GTF2F2: variants seen among roughly 807,000 people sequenced by gnomAD.
GTF2F2 encodes the protein ATP-dependent helicase GTF2F2.
GTF2F2 carries 23 observed loss-of-function variants against 42.2 expected under a neutral mutation model. That is an observed-to-expected ratio of 0.55 (90% CI 0.39 to 0.77). The LOEUF (loss-of-function observed/expected upper bound fraction) is 0.77, where lower values mean the gene tolerates loss of function less well. Ranked by LOEUF, GTF2F2 falls within the 30% of genes least tolerant of loss-of-function variation. GTF2F2 has a pLI of 0.00. For missense variants in GTF2F2, 261 were observed against 287.2 expected (o/e 0.91, Z 0.66); for synonymous variants, 105 against 100.8 (o/e 1.04, Z -0.25).
chr13:45,138,388 C>T (rs1325489798), intron 2 of GTF2F2, among the ~76,000 whole-genome samples: 1 of 152,196 alleles, frequency 6.6e-6, no homozygotes, highest in African/African-American at 2.4e-5. Context: ...GTGACTTTCT[C>T]CACACTACTC....
At chr13:45,123,836 T>C (rs1433546739) in intron 1 of GTF2F2, among the ~76,000 whole-genome samples, 3 of 150,096 alleles carry the variant, frequency 2.0e-5, no homozygotes, top group African/African-American at 7.4e-5. Context: ...ACTTTATTGA[T>C]GGCACATGAC....
chr13:45,273,022 G>T (rs976014072), intron 7 of GTF2F2, among the ~76,000 whole-genome samples: 3 of 147,482 alleles, frequency 2.0e-5, no homozygotes, highest in Non-Finnish European at 4.5e-5. Context: ...CGCCTCCCGA[G>T]TTCAAGCAGT....
At chr13:45,281,139 A>G (rs901294605) in intron 7 of GTF2F2, among the ~76,000 whole-genome samples, 17 of 152,186 alleles carry the variant, frequency 1.1e-4, no homozygotes, top group African/African-American at 4.1e-4. Context: ...TCAAGCCTTT[A>G]TGCTTACTCA....
At chr13:45,279,616 AG>A (rs761303596) in intron 7 of GTF2F2, among the ~76,000 whole-genome samples, 3 of 152,210 alleles carry the variant, frequency 2.0e-5, no homozygotes, top group Non-Finnish European at 4.4e-5. Flanking sequence ...GCACTATAAC[AG>A]GAGCATGTGG....
At chr13:45,139,328 A>G (rs1869794792) in intron 2 of GTF2F2, among the ~76,000 whole-genome samples, 1 of 152,218 alleles carries the variant, frequency 6.6e-6, no homozygotes, top group African/African-American at 2.4e-5. Context: ...GAAAATAAGT[A>G]AAAATCAAAA....
At chr13:45,255,412 A>C (rs1593521079) in intron 6 of GTF2F2, among the ~76,000 whole-genome samples, 1 of 152,290 alleles carries the variant, frequency 6.6e-6, no homozygotes, top group East Asian at 1.9e-4. Flanking sequence ...CACATTTTGA[A>C]ATTGCTACAC....
intron 5 of GTF2F2, among the ~76,000 whole-genome samples, chr13:45,231,550 C>T (rs745900562): frequency 3.3e-5 from 5 of 152,174 alleles, no homozygotes; most frequent in Non-Finnish European, 7.3e-5. Flanking sequence ...AATAGGGAGT[C>T]CTCCTTTCCT....
intron 6 of GTF2F2, among the ~76,000 whole-genome samples, chr13:45,265,032 G>A (rs923160797): frequency 2.6e-5 from 4 of 152,054 alleles, no homozygotes; most frequent in South Asian, 4.1e-4. Flanking sequence ...AGGCCGAGGC[G>A]GGCGGATCAC....
At chr13:45,149,726 A>C (rs377468134) in intron 2 of GTF2F2, 44 bp from the exon 3 acceptor site, 1 of 1,470,102 alleles carries the variant, frequency 6.8e-7, no homozygotes, top group South Asian at 1.4e-5. Flanking sequence ...TGAAAACAAC[A>C]TGAAATCTAA....
chr13:45,187,520 C>T (rs1055633665), intron 4 of GTF2F2, among the ~76,000 whole-genome samples: 1 of 152,084 alleles, frequency 6.6e-6, no homozygotes, highest in Non-Finnish European at 1.5e-5. Flanking sequence ...ATACAGTCCA[C>T]CTCTTCATAA....
intron 2 of GTF2F2, among the ~76,000 whole-genome samples, chr13:45,144,632 G>A (rs139807747): frequency 0.055 from 8,267 of 151,590 alleles, 289 homozygotes; most frequent in Admixed American, 0.091. Context: ...TAGTAGAGAC[G>A]GGGTTTCACT....
At chr13:45,276,457 A>T (rs1389618694) in intron 7 of GTF2F2, among the ~76,000 whole-genome samples, 3 of 143,588 alleles carry the variant, frequency 2.1e-5, no homozygotes, top group Non-Finnish European at 3.0e-5. Context: ...TTTTTTTGAG[A>T]TGGAGTCTCG....
At chr13:45,192,075 G>A (rs756837322) in intron 4 of GTF2F2, among the ~76,000 whole-genome samples, 2 of 152,032 alleles carry the variant, frequency 1.3e-5, no homozygotes, top group Non-Finnish European at 2.9e-5. Flanking sequence ...CAACTCCTAA[G>A]TTGGAGAGGC....
At chr13:45,145,369 G>A (rs1870141124) in intron 2 of GTF2F2, among the ~76,000 whole-genome samples, 1 of 152,110 alleles carries the variant, frequency 6.6e-6, no homozygotes, top group South Asian at 2.1e-4. Flanking sequence ...CTAAGCCCTG[G>A]AGTTAGCCAT....
chr13:45,248,607 G>A (rs191503688), intron 5 of GTF2F2, among the ~76,000 whole-genome samples: 6 of 152,162 alleles, frequency 3.9e-5, no homozygotes, highest in African/African-American at 9.6e-5. Context: ...CTGAGTAGCT[G>A]GGATTACAGG....
rs58360184 is a variant in GTF2F2 at position 45,175,832 on chromosome 13, C to T, written c.304+24001C>T. On this transcript the variant is annotated intron_variant, in intron 4 of 7. Transcript: ENST00000340473. ...AGAGATGGGGTTTCTCTGTGTTGGT[C>T]GGGCTGGTCTCGAACTCCCGACATC... Among the ~76,000 whole-genome samples, 9 of 152,186 alleles carry T rather than the reference C, an allele frequency of 5.9e-5. No individual in the cohort carries two copies. The East Asian group carries it at 1.2e-3, about 20-fold the overall frequency.
chr13:45,150,664 C>CT lies in GTF2F2; in HGVS notation c.159+889dup, dbSNP rs368061537. ...ATTTTAGGGAAAAAAAAAAAATCAT[C>CT]TTTTTTTTTTTTTGAGATGGAGTCT... On this transcript the variant is annotated intron_variant, in intron 3 of 7. Transcript: ENST00000340473. Among the ~76,000 whole-genome samples the CT allele has an allele frequency of 2.1e-3, 251 of 122,420 alleles. 2 individuals are homozygous for CT. Among genetic ancestry groups the CT allele is most frequent in the Admixed American group, 4.4e-3 (54 of 12,290 alleles). The allele number at this position is 122,420 out of a possible 152,430, so 80.3% of individuals were successfully genotyped here. A position where few individuals can be genotyped will look rare whatever the true frequency, so the allele number is the denominator to read the frequency against.
chr13:45,125,680 T>G (rs767064221), intron 1 of GTF2F2, among the ~76,000 whole-genome samples: 8 of 152,172 alleles, frequency 5.3e-5, no homozygotes, highest in Non-Finnish European at 1.0e-4. Flanking sequence ...GGTGGGGACT[T>G]CATTTTTATG....
chr13:45,246,371 T>G (rs770317158), intron 5 of GTF2F2, among the ~76,000 whole-genome samples: 2 of 152,288 alleles, frequency 1.3e-5, no homozygotes, highest in South Asian at 2.1e-4. Flanking sequence ...TCATATTGTT[T>G]GAGCCCAGTT....
Sources: allele counts gnomAD v4.1 joint callset (sites outside exome capture counted in the v4.1 genomes callset), GRCh38; gene constraint gnomAD v4.1.1; transcripts MANE v1.5; gene names NCBI Gene and HGNC (gene_info 2026-07-23, HGNC 2026-07-21).